The following PIK3CB variants were observed in gnomAD, a reference collection of about 807,000 sequenced individuals.
The protein encoded by PIK3CB is phosphatidylinositol-4,5-bisphosphate 3-kinase catalytic subunit beta, also known as phosphatidylinositol 4,5-bisphosphate 3-kinase catalytic subunit beta isoform.
In PIK3CB, 39 loss-of-function variants were observed where a neutral mutation model predicts 136.8. The ratio of observed to expected loss-of-function variants is 0.29; its 90% CI spans 0.22 to 0.37. PIK3CB has a LOEUF of 0.37. PIK3CB is among the 10% of genes least tolerant of loss of function. PIK3CB has a pLI of 1.00. For synonymous variants in PIK3CB, 428 were observed against 436.6 expected (o/e 0.98, Z 0.25); for missense variants, 868 against 1,275.4 (o/e 0.68, Z 4.87).
chr3:138,662,424 C>A (rs1357267467), intron 21 of PIK3CB, among the ~76,000 whole-genome samples: 1 of 150,668 alleles, frequency 6.6e-6, no homozygotes, highest in Non-Finnish European at 1.5e-5. Flanking sequence ...ATCCATGTCC[C>A]TACAAAGGAC....
At chr3:138,765,225 G>A (rs148262970) in intron 2 of PIK3CB, among the ~76,000 whole-genome samples, 663 of 152,234 alleles carry the variant, frequency 4.4e-3, no homozygotes, top group Middle Eastern at 0.024. Flanking sequence ...CCTGAGGCAG[G>A]AGAATTGCTT....
chr3:138,806,131 C>T (rs1247466613), intron 1 of PIK3CB, among the ~76,000 whole-genome samples: 2 of 152,036 alleles, frequency 1.3e-5, no homozygotes, highest in Non-Finnish European at 2.9e-5. Context: ...GAAAGCTGTG[C>T]TAATATAATT....
Position 138,733,395 on chromosome 3 carries a change from T to G in PIK3CB, c.1016A>C (p.Lys339Thr), listed in dbSNP as rs755366497. The change falls in exon 8 of 24, where the codon AAG becomes ACG. Residue 339 changes from lysine to threonine, a missense_variant. Coordinates refer to ENST00000674063, the MANE Select transcript of PIK3CB (RefSeq NM_006219.3). ...TTCCTCTGTGTTAAGTTTATTTCCC[T>G]TAACCAAGACAATTTGGAAAGGGTT... Reference protein sequence around the residue: ...NNNPFQIVLVKGNKLNTEETV... With the variant: ...NNNPFQIVLVTGNKLNTEETV... 1 of 1,573,226 alleles carries G rather than the reference T, an allele frequency of 6.4e-7. No homozygotes were observed. Among genetic ancestry groups the G allele is most frequent in the South Asian group, 1.1e-5 (1 of 88,892 alleles).
chr3:138,707,028 G>A, intron 11 of PIK3CB, 131 bp downstream of exon 11: 1 of 709,722 alleles, frequency 1.4e-6, no homozygotes, highest in Non-Finnish European at 2.5e-6. Flanking sequence ...CCTGATCCAT[G>A]GTCTTCCCAC....
chr3:138,747,083 T>C lies in PIK3CB; in HGVS notation c.398-4302A>G, dbSNP rs1257212123. On this transcript the variant is annotated intron_variant, in intron 4 of 23. Coordinates refer to ENST00000674063, the MANE Select transcript of PIK3CB (RefSeq NM_006219.3). ...ATATATATATATATATATATATATA[T>C]ATATATATATATATATATATATATA... is the stretch of plus-strand genomic sequence containing the variant. 3.1e-3 allele frequency among the ~76,000 whole-genome samples: 233 copies of C among 75,052 alleles called. 3 individuals are homozygous for C. Among genetic ancestry groups the C allele is most frequent in the African/African-American group, 4.7e-3 (81 of 17,156 alleles). The allele number at this position is 75,052 out of a possible 152,430, so 49.2% of individuals were successfully genotyped here.
At chr3:138,668,524 T>A (rs1424492389) in intron 19 of PIK3CB, among the ~76,000 whole-genome samples, 2 of 152,202 alleles carry the variant, frequency 1.3e-5, no homozygotes, top group Non-Finnish European at 2.9e-5. Context: ...ATTTCAGTAA[T>A]GTTTACCCTC....
intron 19 of PIK3CB, among the ~76,000 whole-genome samples, chr3:138,676,396 G>C (rs745711026): frequency 5.8e-4 from 88 of 152,178 alleles, no homozygotes; most frequent in Non-Finnish European, 1.0e-3. Context: ...AGCTGTGTGG[G>C]AAACAGTTTG....
chr3:138,761,920 AC>A (rs1448946825), intron 2 of PIK3CB, among the ~76,000 whole-genome samples: 2 of 148,194 alleles, frequency 1.3e-5, no homozygotes, highest in Admixed American at 1.4e-4. Context: ...AGCCTGGGCA[AC>A]AGAGTGGGAC....
In PIK3CB at chr3:138,807,511, C is replaced by T. The variant is rs923247201; in HGVS notation, c.-121-10944G>A. On this transcript the variant is annotated intron_variant, in intron 1 of 23. Coordinates refer to ENST00000674063, the MANE Select transcript of PIK3CB (RefSeq NM_006219.3). ...GCTTGTAATGCCAATACACTATAAA[C>T]TTTCTTAAAGTTTGTCAACAGAGGA... is the stretch of plus-strand genomic sequence containing the variant. 2.0e-5 allele frequency among the ~76,000 whole-genome samples: 3 copies of T among 152,058 alleles called. No individual in the cohort carries two copies. The East Asian group carries it at 5.8e-4, about 29-fold the overall frequency.
In PIK3CB at chr3:138,729,590, C is replaced by T. The variant is rs550249073; in HGVS notation, c.1050+3771G>A. 2.0e-5 allele frequency among the ~76,000 whole-genome samples: 3 copies of T among 152,132 alleles called. No homozygotes were observed. In the South Asian group the frequency reaches 6.2e-4, roughly 32 times the overall value. On this transcript the variant is annotated intron_variant, in intron 8 of 23. Coordinates refer to ENST00000674063, the MANE Select transcript of PIK3CB (RefSeq NM_006219.3). ...GACTGCCTTGTAACTGGGACATTGG[C>T]TTTTTTCCCTGCCTTGGGACTCTAA...
intron 13 of PIK3CB, among the ~76,000 whole-genome samples, chr3:138,698,115 G>T (rs2044176102): frequency 6.6e-6 from 1 of 152,052 alleles, no homozygotes; most frequent in African/African-American, 2.4e-5. Context: ...TAAATCCAAA[G>T]ATTTTTAAAA....
chr3:138,717,137 C>T (rs1369981088), intron 8 of PIK3CB, among the ~76,000 whole-genome samples: 2 of 150,990 alleles, frequency 1.3e-5, no homozygotes, highest in East Asian at 2.0e-4. Context: ...GCCTGCAGTC[C>T]CAGCTACTCA....
chr3:138,739,366 C>T (rs2045187434), intron 5 of PIK3CB, among the ~76,000 whole-genome samples: 1 of 151,896 alleles, frequency 6.6e-6, no homozygotes, highest in African/African-American at 2.4e-5. Flanking sequence ...TCACTTGAAC[C>T]AGGGAGTCGG....
intron 2 of PIK3CB, among the ~76,000 whole-genome samples, chr3:138,788,483 CCT>C (rs1275208143): frequency 6.7e-6 from 1 of 149,010 alleles, no homozygotes; most frequent in African/African-American, 2.5e-5. Context: ...ATGGCAAAAC[CCT>C]GTCTCTACTA....
chr3:138,737,984 A>C (rs774433301), intron 5 of PIK3CB, 98 bp from the exon 6 acceptor site: 1 of 636,042 alleles, frequency 1.6e-6, no homozygotes, highest in Non-Finnish European at 2.5e-6. Context: ...ACAAATGTAC[A>C]TAATATTTAT....
intron 16 of PIK3CB, among the ~76,000 whole-genome samples, chr3:138,685,492 A>T (rs2043870740): frequency 6.6e-6 from 1 of 151,748 alleles, no homozygotes; most frequent in Admixed American, 6.6e-5. Flanking sequence ...GTATAGTAGA[A>T]TTTGAGACAT....
Position 138,699,243 on chromosome 3 carries a change from A to G in PIK3CB, c.1582-148T>C, listed in dbSNP as rs1449312246. On this transcript the variant is annotated intron_variant, in intron 12 of 23. Transcript: ENST00000674063. ...TTCCATAAAAAAAAAAAAAAGGTAG[A>G]TCCTTTAATAATTTCTAAGCTAAGG... 5 of 296,830 alleles carry G rather than the reference A, an allele frequency of 1.7e-5. No individual in the cohort carries two copies. The East Asian group carries it at 2.8e-4, about 17-fold the overall frequency. 18.4% of individuals were successfully genotyped at this position (296,830 alleles called of 1,614,324 possible). A position where few individuals can be genotyped will look rare whatever the true frequency, so the allele number is the denominator to read the frequency against.
chr3:138,696,703 T>TA (rs1432787932), intron 13 of PIK3CB, among the ~76,000 whole-genome samples: 3 of 152,162 alleles, frequency 2.0e-5, no homozygotes, highest in Non-Finnish European at 4.4e-5. Context: ...GAAATACTGA[T>TA]ATAAAGACAT....
chr3:138,733,447 G>C lies in PIK3CB; in HGVS notation c.973-9C>G, dbSNP rs776447016. Reference sequence around the variant, plus strand: ...TTATTTTCCCAAACATGCTGTAAAAGAATAAAATAAATACAAATTATTTTA... The same window carrying C: ...TTATTTTCCCAAACATGCTGTAAAACAATAAAATAAATACAAATTATTTTA... On this transcript the variant is annotated splice_polypyrimidine_tract_variant and intron_variant, in intron 7 of 23. Transcript: ENST00000674063. 3 of 1,354,822 alleles carry C rather than the reference G, an allele frequency of 2.2e-6. No homozygotes were observed. Among genetic ancestry groups the C allele is most frequent in the Non-Finnish European group, 2.1e-6 (2 of 954,712 alleles). 83.9% of individuals were successfully genotyped at this position (1,354,822 alleles called of 1,614,324 possible).
Sources: gnomAD v4.1 joint callset for allele counts (sites outside exome capture counted in the v4.1 genomes callset) on GRCh38, gnomAD v4.1.1 for gene constraint, MANE v1.5 for transcripts, NCBI Gene and HGNC (gene_info 2026-07-23, HGNC 2026-07-21) for gene names.